The following LIMCH1 variants were observed in gnomAD, a reference collection of about 807,000 sequenced individuals.
The protein encoded by LIMCH1 is LIM and calponin homology domains-containing protein 1.
Under a neutral mutation model 176.5 loss-of-function variants are expected in LIMCH1, and 113 were observed. The observed-to-expected ratio is 0.64, with a 90% confidence interval of 0.55 to 0.75. The LOEUF (loss-of-function observed/expected upper bound fraction) is 0.75, where lower values mean the gene tolerates loss of function less well. LIMCH1 is among the 30% of genes least tolerant of loss of function. The probability of loss-of-function intolerance (pLI) is 0.00; values close to 1 mark genes in which losing one functional copy is unlikely to be tolerated. For synonymous variants in LIMCH1, 619 were observed against 645.9 expected, an observed-to-expected ratio of 0.96 and a Z score of 0.63; for missense variants, 1,674 against 1,814.9, an observed-to-expected ratio of 0.92 and a Z score of 1.41.
intron 1 of LIMCH1, among the ~76,000 whole-genome samples, chr4:41,366,913 GACTT>G (rs138187753): frequency 0.078 from 11,820 of 152,230 alleles, 705 homozygotes; most frequent in African/African-American, 0.17. Context: ...AGGTTTAACT[GACTT>G]ACAGTTCCAC....
At chr4:41,546,938 TG>T (rs1263887565) in intron 1 of LIMCH1, among the ~76,000 whole-genome samples, 3 of 152,180 alleles carry the variant, frequency 2.0e-5, no homozygotes, top group Non-Finnish European at 4.4e-5. Context: ...TCTTTACTAC[TG>T]GAAGAGTCAA....
chr4:41,684,372 G>A (rs1443073310), intron 26 of LIMCH1, 25 bp from the exon 27 acceptor site: 3 of 1,611,100 alleles, frequency 1.9e-6, no homozygotes, highest in African/African-American at 1.3e-5. Context: ...TCTCTGCTCT[G>A]AAGTATACCT....
At chr4:41,454,645 T>C (rs542018140) in intron 1 of LIMCH1, among the ~76,000 whole-genome samples, 58 of 152,228 alleles carry the variant, frequency 3.8e-4, no homozygotes, top group African/African-American at 1.3e-3. Flanking sequence ...GTCAAAGTAG[T>C]GTATCTAGTG....
At chr4:41,453,413 A>G (rs1008080831) in intron 1 of LIMCH1, among the ~76,000 whole-genome samples, 1 of 152,250 alleles carries the variant, frequency 6.6e-6, no homozygotes, top group Non-Finnish European at 1.5e-5. Context: ...TTTGTATGTT[A>G]TGTGTATTAT....
At chr4:41,472,089 T>C (rs913539689) in intron 1 of LIMCH1, among the ~76,000 whole-genome samples, 3 of 152,234 alleles carry the variant, frequency 2.0e-5, no homozygotes, top group Non-Finnish European at 2.9e-5. Context: ...GTTGTGTGGG[T>C]AGTATTGCCC....
chr4:41,401,894 CTT>C (rs1449747296), intron 1 of LIMCH1, among the ~76,000 whole-genome samples: 1 of 152,160 alleles, frequency 6.6e-6, no homozygotes, highest in Admixed American at 6.5e-5. Flanking sequence ...TATCCTGAGA[CTT>C]TGCTGAAGTT....
intron 1 of LIMCH1, among the ~76,000 whole-genome samples, chr4:41,370,936 T>C (rs1417452735): frequency 6.6e-6 from 1 of 152,188 alleles, no homozygotes; most frequent in Non-Finnish European, 1.5e-5. Context: ...AGTGATATGC[T>C]TGAAGCCACA....
intron 18 of LIMCH1, among the ~76,000 whole-genome samples, chr4:41,653,352 G>A (rs2165135): frequency 3.6e-5 from 5 of 139,858 alleles, no homozygotes; most frequent in Admixed American, 3.5e-4. Flanking sequence ...AAAAAAAAAA[G>A]GAATTAATTG....
intron 1 of LIMCH1, among the ~76,000 whole-genome samples, chr4:41,436,237 T>G (rs1392107174): frequency 5.3e-5 from 8 of 152,198 alleles, no homozygotes; most frequent in Non-Finnish European, 1.2e-4. Flanking sequence ...TCTAGGTACC[T>G]GGACTCCACA....
chr4:41,393,167 T>C (rs1012605427), intron 1 of LIMCH1, among the ~76,000 whole-genome samples: 5 of 152,264 alleles, frequency 3.3e-5, no homozygotes, highest in African/African-American at 1.2e-4. Context: ...AGCCCATTCA[T>C]GATGAAGACA....
At chr4:41,440,857 G>T (rs11946988) in intron 1 of LIMCH1, among the ~76,000 whole-genome samples, 19,449 of 152,074 alleles carry the variant, frequency 0.13, 1,480 homozygotes, top group Admixed American at 0.21. Context: ...TGATAATATA[G>T]CAGACCTATT....
Position 41,699,700 on chromosome 4 carries a change from G to A in LIMCH1, c.*2515G>A, listed in dbSNP as rs1342222388. 6.6e-6 allele frequency: 1 copy of A among 152,126 alleles called. No homozygotes were observed. Among genetic ancestry groups the A allele is most frequent in the Non-Finnish European group, 1.5e-5 (1 of 68,016 alleles). 9.4% of individuals were successfully genotyped at this position (152,126 alleles called of 1,614,324 possible). On this transcript the variant is annotated 3_prime_UTR_variant, in exon 32 of 32. Coordinates refer to ENST00000503057, the MANE Select transcript of LIMCH1 (RefSeq NM_001330672.2). ...TTTTTTTCTCATACTCCAAAAGCTA[G>A]TCCCTACTCTTTAATAAAAATAATG...
intron 1 of LIMCH1, among the ~76,000 whole-genome samples, chr4:41,560,500 TCA>T (rs1163757647): frequency 2.0e-5 from 3 of 152,178 alleles, no homozygotes; most frequent in Admixed American, 6.5e-5. Context: ...AATGAAAACC[TCA>T]GTCTTCCCCT....
intron 2 of LIMCH1, among the ~76,000 whole-genome samples, chr4:41,518,974 A>C (rs2075859437): frequency 6.6e-6 from 1 of 152,090 alleles, no homozygotes; most frequent in South Asian, 2.1e-4. Context: ...TTCTTTATCC[A>C]GTCTGTCATT....
At chr4:41,543,785 TGTG>T (rs1311009879) in intron 1 of LIMCH1, among the ~76,000 whole-genome samples, 1 of 152,166 alleles carries the variant, frequency 6.6e-6, no homozygotes, top group Admixed American at 6.5e-5. Context: ...ATGGAGCACA[TGTG>T]GTGTGTATTT....
At chr4:41,643,580 A>G (rs142567675) in intron 14 of LIMCH1, among the ~76,000 whole-genome samples, 324 of 152,318 alleles carry the variant, frequency 2.1e-3, no homozygotes, top group African/African-American at 7.5e-3. Flanking sequence ...AAAAGGCCCT[A>G]TGGTCTTGCA....
intron 4 of LIMCH1, chr4:41,612,527 T>C (rs1375946621): frequency 1.4e-6 from 1 of 702,316 alleles, no homozygotes; most frequent in East Asian, 2.7e-5. Flanking sequence ...CAGAGTTATT[T>C]TTGTTTTAGT....
rs568446541 is a variant in LIMCH1 at position 41,409,140 on chromosome 4, C to T, written c.96+48204C>T. ...CTGAGGAACTTAACTTGAAATTCTA[C>T]GATATGACTTTTTATTCCTGAAGTG... On this transcript the variant is annotated intron_variant, in intron 1 of 26. Coordinates refer to the LIMCH1 transcript ENST00000313860. 4.6e-5 allele frequency among the ~76,000 whole-genome samples: 7 copies of T among 152,228 alleles called. No homozygotes were observed. The East Asian group carries it at 7.7e-4, about 17-fold the overall frequency.
At chr4:41,437,616 T>C (rs1443158621) in intron 1 of LIMCH1, among the ~76,000 whole-genome samples, 4 of 152,246 alleles carry the variant, frequency 2.6e-5, no homozygotes, top group Admixed American at 6.5e-5. Flanking sequence ...ATACTGTGCT[T>C]GGTGTGTTGT....
Sources: allele counts gnomAD v4.1 joint callset (sites outside exome capture counted in the v4.1 genomes callset), GRCh38; gene constraint gnomAD v4.1.1; transcripts MANE v1.5; gene names NCBI Gene and HGNC (gene_info 2026-07-23, HGNC 2026-07-21).